The following CNTN5 variants were observed in gnomAD, a reference collection of about 807,000 sequenced individuals.
CNTN5 encodes the protein contactin 5, also known as contactin-5.
Under a neutral mutation model 129.1 loss-of-function variants are expected in CNTN5, and 77 were observed. That is an observed-to-expected ratio of 0.60 (90% CI 0.50 to 0.72). The LOEUF (loss-of-function observed/expected upper bound fraction) is 0.72. Ranked by LOEUF, CNTN5 falls within the 30% of genes least tolerant of loss-of-function variation. CNTN5 has a pLI of 0.00. For synonymous variants in CNTN5, 509 were observed against 465.6 expected, an observed-to-expected ratio of 1.09 and a Z score of -1.20; for missense variants, 1,478 against 1,328.8, an observed-to-expected ratio of 1.11 and a Z score of -1.75.
Position 99,524,935 on chromosome 11 carries a change from C to T in CNTN5, c.-70-31210C>T, listed in dbSNP as rs555726980. ...TCATCAAGTTCTTATGATCAATTGG[C>T]TTTCAAAACATACTGAGGCCTTCTT... On this transcript the variant is annotated intron_variant, in intron 2 of 24. Transcript: ENST00000524871. Among the ~76,000 whole-genome samples, 24 of 152,248 alleles carry T rather than the reference C, an allele frequency of 1.6e-4. No homozygotes were observed. The East Asian group carries it at 4.6e-3, about 29-fold the overall frequency.
chr11:100,304,855 G>T (rs898836833), intron 20 of CNTN5, among the ~76,000 whole-genome samples: 1 of 150,952 alleles, frequency 6.6e-6, no homozygotes, highest in Non-Finnish European at 1.5e-5. Context: ...TAATATGGTT[G>T]TTGGGAAGAC....
At chr11:100,287,596 T>C (rs1437972122) in intron 18 of CNTN5, among the ~76,000 whole-genome samples, 1 of 150,204 alleles carries the variant, frequency 6.7e-6, no homozygotes, top group African/African-American at 2.5e-5. Flanking sequence ...CTAAAAGAGC[T>C]CCTGAAGGAA....
chr11:99,179,570 A>G (rs900085928), intron 1 of CNTN5, among the ~76,000 whole-genome samples: 2 of 152,220 alleles, frequency 1.3e-5, no homozygotes, highest in African/African-American at 4.8e-5. Context: ...TTATGGTTAC[A>G]TTTACCCCAC....
intron 8 of CNTN5, among the ~76,000 whole-genome samples, chr11:100,000,400 T>G (rs1012826623): frequency 6.6e-6 from 1 of 152,128 alleles, no homozygotes; most frequent in South Asian, 2.1e-4. Flanking sequence ...AGCACCAAAA[T>G]AGTCTCCTTG....
chr11:99,574,421 C>T (rs1235403482), intron 3 of CNTN5, among the ~76,000 whole-genome samples: 1 of 152,064 alleles, frequency 6.6e-6, no homozygotes, highest in Admixed American at 6.5e-5. Context: ...GGATATTTAC[C>T]CAGTAATGGA....
intron 16 of CNTN5, among the ~76,000 whole-genome samples, chr11:100,240,224 GC>G (rs900622710): frequency 6.7e-6 from 1 of 149,218 alleles, no homozygotes; most frequent in Non-Finnish European, 1.5e-5. Context: ...TCAACACCCC[GC>G]CCCACACCCC....
chr11:99,478,959 T>A (rs1274119827), intron 2 of CNTN5, among the ~76,000 whole-genome samples: 1 of 152,190 alleles, frequency 6.6e-6, no homozygotes, highest in Non-Finnish European at 1.5e-5. Context: ...TTTTAAATTG[T>A]GTTTGGGATT....
At chr11:99,486,866 T>A (rs567928678) in intron 2 of CNTN5, among the ~76,000 whole-genome samples, 1 of 152,144 alleles carries the variant, frequency 6.6e-6, no homozygotes, top group African/African-American at 2.4e-5. Flanking sequence ...CAAAAGAGAT[T>A]AGAAAAATTT....
At chr11:99,253,612 T>C (rs937430527) in intron 1 of CNTN5, among the ~76,000 whole-genome samples, 2 of 152,012 alleles carry the variant, frequency 1.3e-5, no homozygotes, top group African/African-American at 4.8e-5. Flanking sequence ...GTTAGTTATT[T>C]TTAGATAATT....
intron 1 of CNTN5, among the ~76,000 whole-genome samples, chr11:99,136,323 C>A (rs1477348097): frequency 6.6e-6 from 1 of 152,110 alleles, no homozygotes; most frequent in Non-Finnish European, 1.5e-5. Flanking sequence ...TCGACAGAAA[C>A]ATAGCCAGGG....
chr11:100,003,033 C>T (rs1308697932), intron 9 of CNTN5, among the ~76,000 whole-genome samples: 2 of 151,888 alleles, frequency 1.3e-5, no homozygotes, highest in Non-Finnish European at 2.9e-5. Context: ...TAGGTTTAGC[C>T]TTTGGGTAAG....
At chr11:99,169,426 T>C (rs916870311) in intron 1 of CNTN5, among the ~76,000 whole-genome samples, 7 of 138,178 alleles carry the variant, frequency 5.1e-5, no homozygotes, top group African/African-American at 1.8e-4. Context: ...CATATGCCCA[T>C]AATACGTACA....
intron 16 of CNTN5, among the ~76,000 whole-genome samples, chr11:100,242,969 A>G: frequency 6.6e-6 from 1 of 152,238 alleles, no homozygotes; most frequent in Non-Finnish European, 1.5e-5. Flanking sequence ...AGACCAGCAG[A>G]TACCGCGAAA....
At chr11:99,857,844 C>T (rs988891570) in intron 6 of CNTN5, among the ~76,000 whole-genome samples, 24 of 152,044 alleles carry the variant, frequency 1.6e-4, no homozygotes, top group Admixed American at 1.6e-3. Flanking sequence ...TTATTGATCT[C>T]CGTGGCAATA....
chr11:99,628,492 T>A (rs1162912363), intron 3 of CNTN5, among the ~76,000 whole-genome samples: 1 of 151,990 alleles, frequency 6.6e-6, no homozygotes, highest in African/African-American at 2.4e-5. Context: ...GTCTCCCAGT[T>A]GGCTGCAATG....
intron 1 of CNTN5, among the ~76,000 whole-genome samples, chr11:99,048,293 C>A (rs900303310): frequency 6.6e-6 from 1 of 152,002 alleles, no homozygotes; most frequent in Non-Finnish European, 1.5e-5. Flanking sequence ...TAATGTGCAA[C>A]CTAAGACAGA....
intron 2 of CNTN5, among the ~76,000 whole-genome samples, chr11:99,446,097 A>AC (rs909783943): frequency 1.0e-4 from 15 of 143,870 alleles, no homozygotes; most frequent in Admixed American, 1.6e-4. Flanking sequence ...AAAAAAAAAA[A>AC]AAAACAACCA....
At chr11:99,939,428 G>T (rs890988180) in intron 7 of CNTN5, among the ~76,000 whole-genome samples, 8 of 151,958 alleles carry the variant, frequency 5.3e-5, no homozygotes, top group Non-Finnish European at 1.2e-4. Flanking sequence ...TCAGTTTAAT[G>T]CATTGATTCA....
chr11:99,101,955 C>T (rs1866756390), intron 1 of CNTN5, among the ~76,000 whole-genome samples: 1 of 152,206 alleles, frequency 6.6e-6, no homozygotes. Context: ...ATGAGGGCCT[C>T]ACCCCTGCCT....
Sources: gnomAD v4.1 joint callset for allele counts (sites outside exome capture counted in the v4.1 genomes callset) on GRCh38, gnomAD v4.1.1 for gene constraint, MANE v1.5 for transcripts, NCBI Gene and HGNC (gene_info 2026-07-23, HGNC 2026-07-21) for gene names.